The following FRYL variants were observed in gnomAD, a reference collection of about 807,000 sequenced individuals.
FRYL encodes the protein FRY like transcription coactivator, also known as protein furry homolog-like.
A neutral mutation model predicts 351.2 loss-of-function variants in FRYL; 150 were observed. The ratio of observed to expected loss-of-function variants is 0.43; its 90% CI spans 0.37 to 0.49. The LOEUF (loss-of-function observed/expected upper bound fraction) is 0.49. Among genes scored for constraint, FRYL ranks in the 20% least tolerant of loss-of-function variants. FRYL has a pLI of 0.00. For missense variants in FRYL, 3,036 were observed against 3,619.3 expected (o/e 0.84, Z 4.13); for synonymous variants, 1,153 against 1,257.1 (o/e 0.92, Z 1.75).
At chr4:48,637,396 G>C (rs1451984961) in intron 3 of FRYL, 1 of 152,056 alleles carries the variant, frequency 6.6e-6, no homozygotes, top group East Asian at 1.9e-4. Context: ...AAGAAGAAAA[G>C]CTAGCTTCCA....
At position 48,759,191 on chromosome 4, in the gene FRYL, C is replaced by T. The variant is rs563697657; in HGVS notation, c.-384+20887G>A. Among the ~76,000 whole-genome samples the T allele has an allele frequency of 5.3e-5, 8 of 151,814 alleles. No individual in the cohort carries two copies. In the East Asian group the frequency reaches 9.7e-4, roughly 18 times the overall value. On this transcript the variant is annotated intron_variant, in intron 1 of 63. Coordinates refer to ENST00000358350, the MANE Select transcript of FRYL (RefSeq NM_015030.2). The stretch of plus-strand genomic sequence containing the variant: ...CACATGTATACATATGTAACAAACC[C>T]GCGTATTGTGCACATGTACTATAGA...
intron 7 of FRYL, among the ~76,000 whole-genome samples, chr4:48,616,603 C>T (rs552412612): frequency 2.6e-5 from 4 of 152,216 alleles, no homozygotes; most frequent in African/African-American, 9.6e-5. Context: ...GATCAGTTGG[C>T]ACAAAAGAGA....
chr4:48,776,930 C>T (rs1408999168), intron 1 of FRYL, among the ~76,000 whole-genome samples: 2 of 152,130 alleles, frequency 1.3e-5, no homozygotes, highest in Non-Finnish European at 2.9e-5. Flanking sequence ...GTCACTGTTA[C>T]TTTGTACTTG....
intron 23 of FRYL, 79 bp downstream of exon 23, chr4:48,578,894 C>A: frequency 4.7e-6 from 6 of 1,277,664 alleles, no homozygotes; most frequent in Middle Eastern, 1.9e-4. Flanking sequence ...ATCTGTAATA[C>A]TTTTGAATTT....
intron 1 of FRYL, among the ~76,000 whole-genome samples, chr4:48,760,253 C>CATGG (rs1284649106): frequency 6.6e-6 from 1 of 152,030 alleles, no homozygotes; most frequent in African/African-American, 2.4e-5. Context: ...CCCTCTGCCT[C>CATGG]CTGGGTTCAA....
chr4:48,578,321 C>T (rs1740111042), intron 23 of FRYL, among the ~76,000 whole-genome samples: 1 of 152,082 alleles, frequency 6.6e-6, no homozygotes, highest in South Asian at 2.1e-4. Flanking sequence ...AAGTTATATG[C>T]TGAGAGGACT....
At chr4:48,588,680 T>C (rs1464164026) in intron 18 of FRYL, among the ~76,000 whole-genome samples, 1 of 152,126 alleles carries the variant, frequency 6.6e-6, no homozygotes, top group Non-Finnish European at 1.5e-5. Context: ...CCCATGGGCC[T>C]CTTTCTCTCT....
chr4:48,603,164 T>C lies in FRYL; in HGVS notation c.933+126A>G, dbSNP rs1746045598. 10 of 712,566 alleles carry C rather than the reference T, an allele frequency of 1.4e-5. No individual in the cohort carries two copies. In the East Asian group the frequency reaches 2.7e-4, roughly 19 times the overall value. The allele number at this position is 712,566 out of a possible 1,614,324, so 44.1% of individuals were successfully genotyped here. ...AAACATACGTATGTAAAACTTGCCC[T>C]TGTATTGCACTTCAGGGATTTTACA... On this transcript the variant is annotated intron_variant, in intron 12 of 63. Coordinates refer to ENST00000358350, the MANE Select transcript of FRYL (RefSeq NM_015030.2).
intron 1 of FRYL, among the ~76,000 whole-genome samples, chr4:48,724,784 G>A (rs1032799255): frequency 2.6e-5 from 4 of 152,230 alleles, no homozygotes; most frequent in Non-Finnish European, 5.9e-5. Context: ...GCTGCCTTTA[G>A]AGGACTTTAG....
intron 36 of FRYL, among the ~76,000 whole-genome samples, chr4:48,552,244 GGTGTGTGTGTGTGTGTGTGT>G (rs67155390): frequency 1.4e-5 from 2 of 145,244 alleles, no homozygotes; most frequent in Admixed American, 1.4e-4. Flanking sequence ...AGTCCAAAGG[GGTGTGTGTGTGTGTGTGTGT>G]GTGTGTGTGT....
intron 42 of FRYL, 138 bp from the exon 43 acceptor site, chr4:48,545,042 G>A: frequency 1.3e-6 from 1 of 759,646 alleles, no homozygotes. Context: ...CTACTACTTA[G>A]GCACATGAAT....
intron 27 of FRYL, among the ~76,000 whole-genome samples, chr4:48,568,318 C>CACTG (rs1368321141): frequency 3.9e-5 from 6 of 152,110 alleles, no homozygotes; most frequent in African/African-American, 1.4e-4. Flanking sequence ...GCCTGGCAAC[C>CACTG]ACTGACTGAC....
Position 48,576,170 on chromosome 4 carries a change from T to C in FRYL, c.2581A>G (p.Ile861Val), listed in dbSNP as rs754650632. The change falls in exon 24 of 64, where the codon ATT becomes GTT. Residue 861 changes from isoleucine to valine, a missense_variant. By Grantham distance (29) the Ile-to-Val change is conservative. Around this residue, in one of 7 missense-constraint regions of FRYL, gnomAD observed 492 missense variants for 551.5 expected, o/e 0.89. Coordinates refer to ENST00000358350, the MANE Select transcript of FRYL (RefSeq NM_015030.2). ...ATCAGATAGTTTCTCCACAGGCCAA[T>C]GTATGAGTCACTGCTTGTGGTGGTA... ...VNTTTSSDSY[I>V]GLWRNYLILC... 1.2e-6 allele frequency: 2 copies of C among 1,613,486 alleles called. No individual in the cohort carries two copies. Among genetic ancestry groups the C allele is most frequent in the Non-Finnish European group, 1.7e-6 (2 of 1,179,754 alleles).
intron 1 of FRYL, among the ~76,000 whole-genome samples, chr4:48,725,538 G>C (rs1769980420): frequency 6.6e-6 from 1 of 152,134 alleles, no homozygotes; most frequent in Non-Finnish European, 1.5e-5. Context: ...GTTTTAAATA[G>C]CACATCATTC....
intron 3 of FRYL, among the ~76,000 whole-genome samples, chr4:48,654,649 C>T (rs1758446489): frequency 6.6e-6 from 1 of 152,172 alleles, no homozygotes; most frequent in South Asian, 2.1e-4. Context: ...GTTGAAAATA[C>T]AGTCTTCTAT....
chr4:48,570,336 GA>G (rs937873523), intron 27 of FRYL, among the ~76,000 whole-genome samples: 9 of 152,164 alleles, frequency 5.9e-5, no homozygotes, highest in African/African-American at 1.7e-4. Flanking sequence ...GTGAATGGTG[GA>G]AAACAGTTAT....
chr4:48,742,301 T>TAGCACATAAGTC (rs1772183026), intron 1 of FRYL, among the ~76,000 whole-genome samples: 1 of 152,212 alleles, frequency 6.6e-6, no homozygotes, highest in Admixed American at 6.5e-5. Context: ...GAGTCTTCAT[T>TAGCACATAAGTC]TTACTTAACC....
intron 52 of FRYL, 36 bp downstream of exon 52, chr4:48,527,935 T>G (rs375527672): frequency 1.6e-5 from 23 of 1,449,580 alleles, no homozygotes; most frequent in Non-Finnish European, 1.8e-5. Flanking sequence ...TAACATGATC[T>G]TTAAGACCTT....
At chr4:48,548,657 A>G in intron 40 of FRYL, 33 bp downstream of exon 40, 1 of 1,127,684 alleles carries the variant, frequency 8.9e-7, no homozygotes, top group Non-Finnish European at 1.3e-6. Flanking sequence ...ATAAAAATAT[A>G]ACATGAAAGA....
Sources: allele counts gnomAD v4.1 joint callset (sites outside exome capture counted in the v4.1 genomes callset), GRCh38; gene constraint gnomAD v4.1.1; regional missense constraint gnomAD v4.1.1; transcripts MANE v1.5; gene names NCBI Gene and HGNC (gene_info 2026-07-23, HGNC 2026-07-21).